Variants in KIF26B observed in about 807,000 individuals in gnomAD.
KIF26B encodes the protein kinesin family member 26B.
KIF26B carries 63 observed loss-of-function variants against 151.2 expected under a neutral mutation model. That is an observed-to-expected ratio of 0.42 (90% CI 0.34 to 0.51). KIF26B has a LOEUF of 0.51. Among genes scored for constraint, KIF26B ranks in the 20% least tolerant of loss-of-function variants. KIF26B has a pLI of 0.07. For synonymous variants in KIF26B, 1,357 were observed against 1,262.1 expected, an observed-to-expected ratio of 1.08 and a Z score of -1.59; for missense variants, 2,813 against 2,913.6, an observed-to-expected ratio of 0.97 and a Z score of 0.79.
intron 9 of KIF26B, among the ~76,000 whole-genome samples, chr1:245,623,047 T>G (rs71585193): frequency 0.15 from 21,046 of 144,452 alleles, 2,462 homozygotes; most frequent in African/African-American, 0.34. Context: ...TTTTTTTTTT[T>G]TTTTTGTTGT....
rs187669899 is a variant in KIF26B, at chr1:245,605,568, C to G, written c.1558-2083C>G. Among the ~76,000 whole-genome samples, 95 of 152,306 alleles carry G rather than the reference C, an allele frequency of 6.2e-4. 2 individuals carry two copies. Among genetic ancestry groups the G allele is most frequent in the African/African-American group, 1.8e-3 (74 of 41,584 alleles). ...GTGGCTTCGGCAGTCGCTGGCTGCC[C>G]CTGTTGGGACACGTCTCTGCTGGGA... On this transcript the variant is annotated intron_variant, in intron 6 of 14. Transcript: ENST00000407071.
intron 10 of KIF26B, among the ~76,000 whole-genome samples, chr1:245,671,430 C>A (rs969161999): frequency 6.6e-6 from 1 of 152,146 alleles, no homozygotes; most frequent in East Asian, 1.9e-4. Context: ...CTGGCACAGG[C>A]AAATTCATAG....
At chr1:245,600,446 C>T (rs559037739) in intron 5 of KIF26B, among the ~76,000 whole-genome samples, 1 of 151,718 alleles carries the variant, frequency 6.6e-6, no homozygotes, top group East Asian at 2.0e-4. Context: ...GACCCTGCTA[C>T]CTCAACCTCC....
At position 245,616,092 on chromosome 1, in the gene KIF26B, C is replaced by CAA. The variant is rs1380563649; in HGVS notation, c.2098+4118_2098+4119dup. 2.6e-5 allele frequency among the ~76,000 whole-genome samples: 4 copies of CAA among 152,320 alleles called. No homozygotes were observed. In the East Asian group the frequency reaches 7.7e-4, roughly 29 times the overall value. ...ACATGCATTTTATACATTTTACACA[C>CAA]AAATGCATCTTACATTTATAATTTT... On this transcript the variant is annotated intron_variant, in intron 9 of 14. Coordinates refer to ENST00000407071, the MANE Select transcript of KIF26B (RefSeq NM_018012.4).
rs546064845 is a variant in KIF26B, at chr1:245,240,363, G to T, written c.465+83680G>T. On this transcript the variant is annotated intron_variant, in intron 2 of 14. Transcript: ENST00000407071. ...AGTTGGGTTGATCAGTCGCACCTTAGTGTATATACCTCAGTGTGGAAATGT... is the reference window on the plus strand; with the variant it reads ...AGTTGGGTTGATCAGTCGCACCTTATTGTATATACCTCAGTGTGGAAATGT... Among the ~76,000 whole-genome samples, 13 of 152,264 alleles carry T rather than the reference G, an allele frequency of 8.5e-5. 1 individual carries two copies. The South Asian group carries it at 2.7e-3, about 32-fold the overall frequency.
chr1:245,314,959 T>A (rs901816099), intron 2 of KIF26B, among the ~76,000 whole-genome samples: 1 of 152,118 alleles, frequency 6.6e-6, no homozygotes, highest in Non-Finnish European at 1.5e-5. Context: ...GGCGGGTGGA[T>A]CACCTGAGGT....
At chr1:245,646,746 A>AT (rs1400154240) in intron 10 of KIF26B, among the ~76,000 whole-genome samples, 1 of 152,198 alleles carries the variant, frequency 6.6e-6, no homozygotes, top group African/African-American at 2.4e-5. Context: ...GCACCCCAAC[A>AT]TTGCATGGGA....
At chr1:245,654,223 T>TA in intron 10 of KIF26B, among the ~76,000 whole-genome samples, 1 of 150,620 alleles carries the variant, frequency 6.6e-6, no homozygotes, top group Non-Finnish European at 1.5e-5. Context: ...ATACGAAAGG[T>TA]AAAAAAGGGA....
Position 245,156,679 on chromosome 1 carries a change from G to A in KIF26B, c.461G>A (p.Gly154Asp). Residue 154 changes from glycine to aspartate, a missense_variant, in exon 2 of 15, where the codon GGC becomes GAC. This residue lies in a region of KIF26B where 676 missense variants were observed against 688.1 expected (regional missense o/e 0.98). Coordinates refer to ENST00000407071, the MANE Select transcript of KIF26B (RefSeq NM_018012.4). ...LRLLLPGPFP[G>D]KDPAFSAVIH... Reference sequence around the variant, plus strand: ...TTGCTCCTCCCGGGGCCCTTCCCGGGCAAGGTGAGCGCCGCGCGGGGCTGG... The same window carrying A: ...TTGCTCCTCCCGGGGCCCTTCCCGGACAAGGTGAGCGCCGCGCGGGGCTGG... 1 of 1,493,244 alleles carries A rather than the reference G, an allele frequency of 6.7e-7. No homozygotes were observed. Among genetic ancestry groups the A allele is most frequent in the Non-Finnish European group, 8.9e-7 (1 of 1,128,948 alleles). 92.5% of individuals were successfully genotyped at this position (1,493,244 alleles called of 1,614,324 possible).
intron 3 of KIF26B, among the ~76,000 whole-genome samples, chr1:245,410,126 C>T (rs1264274686): frequency 6.6e-6 from 1 of 152,152 alleles, no homozygotes; most frequent in African/African-American, 2.4e-5. Flanking sequence ...GGGGCTTTCC[C>T]CTGCCCATCT....
chr1:245,575,239 C>A (rs908118835), intron 5 of KIF26B, among the ~76,000 whole-genome samples: 2 of 151,762 alleles, frequency 1.3e-5, no homozygotes, highest in African/African-American at 4.8e-5. Context: ...CTTTGGGAGG[C>A]AGAGGCGAGT....
chr1:245,514,914 T>C (rs1182867686), intron 4 of KIF26B, among the ~76,000 whole-genome samples: 5 of 152,202 alleles, frequency 3.3e-5, no homozygotes. Context: ...ATAGCCTTGA[T>C]GTCAATACTG....
Position 245,261,494 on chromosome 1 carries a change from TCTCTCTCTCC to T in KIF26B, c.465+104815_465+104824del, listed in dbSNP as rs1296282629. ...CTCTCTCTCTCTCTCTCTCTCTCTC[TCTCTCTCTCC>T]CTCCCTCCCTCCCTCCCTCTCTCTC... On this transcript the variant is annotated intron_variant, in intron 2 of 14. Transcript: ENST00000407071. 9.0e-3 allele frequency among the ~76,000 whole-genome samples: 1,017 copies of T among 112,402 alleles called. 9 individuals are homozygous for T. Among genetic ancestry groups the T allele is most frequent in the African/African-American group, 0.038 (932 of 24,380 alleles). 73.7% of individuals were successfully genotyped at this position (112,402 alleles called of 152,430 possible).
At chr1:245,599,782 G>A (rs75154450) in intron 5 of KIF26B, among the ~76,000 whole-genome samples, 7 of 152,288 alleles carry the variant, frequency 4.6e-5, no homozygotes, top group East Asian at 1.9e-4. Flanking sequence ...GGGCAGATCT[G>A]TAGGAATGAG....
intron 2 of KIF26B, among the ~76,000 whole-genome samples, chr1:245,210,941 C>G (rs950226066): frequency 6.6e-6 from 1 of 152,150 alleles, no homozygotes; most frequent in Admixed American, 6.6e-5. Flanking sequence ...TTACCACTGG[C>G]GATGTTCTGT....
At chr1:245,594,651 G>A (rs1314311064) in intron 5 of KIF26B, among the ~76,000 whole-genome samples, 2 of 152,092 alleles carry the variant, frequency 1.3e-5, no homozygotes, top group Admixed American at 1.3e-4. Flanking sequence ...GGCTATATGG[G>A]CTCTTTTTTG....
intron 9 of KIF26B, among the ~76,000 whole-genome samples, chr1:245,615,746 G>A (rs1326655220): frequency 1.3e-5 from 2 of 152,226 alleles, no homozygotes; most frequent in African/African-American, 4.8e-5. Flanking sequence ...CAGGGGTCGT[G>A]CGATCGGCAG....
intron 5 of KIF26B, among the ~76,000 whole-genome samples, chr1:245,555,359 G>A (rs112300208): frequency 0.011 from 1,650 of 152,194 alleles, 25 homozygotes; most frequent in Admixed American, 0.048. Flanking sequence ...GAGTGCTCCG[G>A]GACGCTTCTC....
At chr1:245,187,020 C>G (rs896439542) in intron 2 of KIF26B, among the ~76,000 whole-genome samples, 2 of 152,008 alleles carry the variant, frequency 1.3e-5, no homozygotes, top group Non-Finnish European at 2.9e-5. Flanking sequence ...CCACGCTCAG[C>G]TAATTTTTGT....
Sources: allele counts gnomAD v4.1 joint callset (sites outside exome capture counted in the v4.1 genomes callset), GRCh38; gene constraint gnomAD v4.1.1; regional missense constraint gnomAD v4.1.1; transcripts MANE v1.5; gene names NCBI Gene and HGNC (gene_info 2026-07-23, HGNC 2026-07-21).